SLC17A6: variants seen among roughly 807,000 people sequenced by gnomAD.
SLC17A6 encodes the protein solute carrier family 17 member 6, also known as vesicular glutamate transporter 2.
SLC17A6 carries 35 observed loss-of-function variants against 67.1 expected under a neutral mutation model. That is an observed-to-expected ratio of 0.52 (90% CI 0.40 to 0.69). The LOEUF (loss-of-function observed/expected upper bound fraction) is 0.69, where lower values mean the gene tolerates loss of function less well. SLC17A6 is among the 30% of genes least tolerant of loss of function. The pLI is 0.00. For synonymous variants in SLC17A6, 285 were observed against 252.3 expected (o/e 1.13, Z -1.23); for missense variants, 588 against 723.9 (o/e 0.81, Z 2.15).
At chr11:22,363,679 G>A (rs1057283116) in intron 6 of SLC17A6, among the ~76,000 whole-genome samples, 3 of 152,132 alleles carry the variant, frequency 2.0e-5, no homozygotes, top group East Asian at 1.9e-4. Flanking sequence ...GTTATTAAAT[G>A]TCACTTATCA....
At chr11:22,340,145 T>A (rs1006185879) in intron 1 of SLC17A6, among the ~76,000 whole-genome samples, 2 of 152,196 alleles carry the variant, frequency 1.3e-5, no homozygotes, top group African/African-American at 4.8e-5. Context: ...AGTTTAAAAA[T>A]TTCACTTGCT....
intron 3 of SLC17A6, among the ~76,000 whole-genome samples, chr11:22,349,961 T>C (rs1703263431): frequency 6.6e-6 from 1 of 152,186 alleles, no homozygotes; most frequent in Non-Finnish European, 1.5e-5. Context: ...GACAATCCAC[T>C]GCCCAAATGG....
chr11:22,362,299 A>T, intron 5 of SLC17A6: 1 of 385,164 alleles, frequency 2.6e-6, no homozygotes, highest in South Asian at 2.5e-5. Flanking sequence ...CCGCTGGCAG[A>T]GAAAAACAAT....
chr11:22,374,704 C>T lies in SLC17A6; in HGVS notation c.1042-51C>T, dbSNP rs754491869. ...TCAGAAACAAAGGCCATTAAATTGC[C>T]CATATTATTTATGGTTATGTCTATT... On this transcript the variant is annotated intron_variant, in intron 8 of 11. Coordinates refer to ENST00000263160, the MANE Select transcript of SLC17A6 (RefSeq NM_020346.3). 5.5e-6 allele frequency: 8 copies of T among 1,447,156 alleles called. No individual in the cohort carries two copies. In the East Asian group the frequency reaches 7.4e-5, roughly 13 times the overall value. The allele number at this position is 1,447,156 out of a possible 1,614,324, so 89.6% of individuals were successfully genotyped here.
chr11:22,348,896 G>A (rs183220414), intron 3 of SLC17A6, among the ~76,000 whole-genome samples: 4 of 152,298 alleles, frequency 2.6e-5, no homozygotes, highest in African/African-American at 9.6e-5. Context: ...ATATCTTCAT[G>A]TGTTAAGCCC....
At chr11:22,360,862 A>C (rs755186989) in intron 4 of SLC17A6, 35 bp from the exon 5 acceptor site, 5 of 1,573,058 alleles carry the variant, frequency 3.2e-6, no homozygotes, top group Non-Finnish European at 3.5e-6. Flanking sequence ...TTGATCCTAA[A>C]TGGTGACAGT....
At chr11:22,342,648 T>G (rs1347865157) in intron 2 of SLC17A6, among the ~76,000 whole-genome samples, 2 of 152,084 alleles carry the variant, frequency 1.3e-5, no homozygotes, top group Non-Finnish European at 2.9e-5. Flanking sequence ...CCGTATTTAT[T>G]AAAACCCCTG....
chr11:22,347,185 C>A (rs544827071), intron 3 of SLC17A6, among the ~76,000 whole-genome samples: 10 of 151,292 alleles, frequency 6.6e-5, no homozygotes, highest in Non-Finnish European at 1.3e-4. Context: ...GAGTACCTGA[C>A]TCATGATAAA....
intron 1 of SLC17A6, 75 bp from the exon 2 acceptor site, chr11:22,341,453 G>A (rs1306832494): frequency 7.7e-6 from 12 of 1,555,110 alleles, no homozygotes; most frequent in Middle Eastern, 2.1e-4. Context: ...GACGGGTCCT[G>A]AAAAATGGGA....
chr11:22,361,565 T>C lies in SLC17A6; in HGVS notation c.661+581T>C, dbSNP rs151015598. Among the ~76,000 whole-genome samples the C allele has an allele frequency of 8.7e-3, 1,318 of 152,234 alleles. 20 individuals are homozygous for C. Among genetic ancestry groups the C allele is most frequent in the African/African-American group, 0.03 (1,252 of 41,564 alleles). ...GATCTTTAAGTATTCTCCTAAGCAC[T>C]GTTGCTATAATTTCCCATTCATTGG... is the stretch of plus-strand genomic sequence containing the variant. On this transcript the variant is annotated intron_variant, in intron 5 of 11. Coordinates refer to ENST00000263160, the MANE Select transcript of SLC17A6 (RefSeq NM_020346.3).
intron 1 of SLC17A6, among the ~76,000 whole-genome samples, chr11:22,340,775 G>A (rs1477480613): frequency 6.6e-6 from 1 of 152,126 alleles, no homozygotes; most frequent in African/African-American, 2.4e-5. Flanking sequence ...AAAAAAAATA[G>A]TAAGAAGTGT....
At chr11:22,350,856 T>G (rs1855929926) in intron 3 of SLC17A6, among the ~76,000 whole-genome samples, 1 of 152,160 alleles carries the variant, frequency 6.6e-6, no homozygotes, top group Non-Finnish European at 1.5e-5. Flanking sequence ...ACTTCTTTAT[T>G]TCTTCTGAGA....
At chr11:22,373,248 A>G (rs994466240) in intron 8 of SLC17A6, among the ~76,000 whole-genome samples, 1 of 152,210 alleles carries the variant, frequency 6.6e-6, no homozygotes, top group Non-Finnish European at 1.5e-5. Flanking sequence ...GGACTTAGGC[A>G]ATGTGGTTAC....
At chr11:22,343,216 C>T (rs1467926408) in intron 2 of SLC17A6, 31 bp from the exon 3 acceptor site, 1 of 1,567,446 alleles carries the variant, frequency 6.4e-7, no homozygotes, top group African/African-American at 1.4e-5. Context: ...TCTACTCTTT[C>T]CCTTCACACT....
At position 22,354,176 on chromosome 11, in the gene SLC17A6, C is replaced by T. The variant is rs181668313; in HGVS notation, c.459-5237C>T. ...TCAGCTCACCACAACCTCTGCCTCC[C>T]GGGTTCAAGTGATTCTCCTGCCTCA... On this transcript the variant is annotated intron_variant, in intron 3 of 11. Coordinates refer to ENST00000263160, the MANE Select transcript of SLC17A6 (RefSeq NM_020346.3). Among the ~76,000 whole-genome samples, 622 of 152,084 alleles carry T rather than the reference C, an allele frequency of 4.1e-3. 7 individuals are homozygous for T. Among genetic ancestry groups the T allele is most frequent in the African/African-American group, 0.014 (580 of 41,478 alleles).
chr11:22,360,696 C>T (rs188789016), intron 4 of SLC17A6, among the ~76,000 whole-genome samples: 5 of 152,132 alleles, frequency 3.3e-5, no homozygotes, highest in African/African-American at 9.6e-5. Context: ...TAATGCCCTA[C>T]AAAATGATCT....
chr11:22,367,485 C>T (rs2593688), intron 7 of SLC17A6, among the ~76,000 whole-genome samples: 96,555 of 151,942 alleles, frequency 0.64, 30,962 homozygotes, highest in African/African-American at 0.7. Flanking sequence ...TAATTTCTTA[C>T]GGTGGCTACT....
intron 3 of SLC17A6, 87 bp downstream of exon 3, chr11:22,343,452 C>A: frequency 8.4e-7 from 1 of 1,186,246 alleles, no homozygotes; most frequent in Non-Finnish European, 1.2e-6. Context: ...GACAACAGCC[C>A]AGAGGGGTTT....
Position 22,365,616 on chromosome 11 carries a change from C to CTATT in SLC17A6, c.819_822dup (p.Thr275TyrfsTer4). The CTATT allele has an allele frequency of 6.2e-7, 1 of 1,613,930 alleles. No individual in the cohort carries two copies. Among genetic ancestry groups the CTATT allele is most frequent in the Non-Finnish European group, 8.5e-7 (1 of 1,179,874 alleles). On this transcript the variant is annotated frameshift_variant, in exon 7 of 12. Transcript: ENST00000263160. LOFTEE classifies it high-confidence loss of function. The stretch of plus-strand genomic sequence containing the variant: ...TATGAAAGTCCTGCAAAGCATCCTA[C>CTATT]TATTACAGATGAAGAACGTAGGTAC...
Sources: allele counts gnomAD v4.1 joint callset (sites outside exome capture counted in the v4.1 genomes callset), GRCh38; gene constraint gnomAD v4.1.1; transcripts MANE v1.5; gene names NCBI Gene and HGNC (gene_info 2026-07-23, HGNC 2026-07-21).